CDH12: variants seen among roughly 807,000 people sequenced by gnomAD.
The protein encoded by CDH12 is cadherin 12.
A neutral mutation model predicts 74.1 loss-of-function variants in CDH12; 41 were observed. The observed-to-expected ratio is 0.55, with a 90% CI of 0.43 to 0.72. CDH12 has a LOEUF of 0.72. CDH12 is among the 30% of genes least tolerant of loss of function. The pLI, the probability that CDH12 is intolerant of heterozygous loss-of-function variation, is 0.00. For missense variants in CDH12, 945 were observed against 977.2 expected, an observed-to-expected ratio of 0.97 and a Z score of 0.44; for synonymous variants, 399 against 355.0, an observed-to-expected ratio of 1.12 and a Z score of -1.39.
intron 5 of CDH12, among the ~76,000 whole-genome samples, chr5:22,049,146 G>A (rs1283691133): frequency 2.0e-5 from 3 of 152,058 alleles, no homozygotes; most frequent in African/African-American, 7.2e-5. Context: ...ATGGGTTAAA[G>A]ATCCCTGGCT....
At chr5:22,237,714 A>T (rs990605745) in intron 3 of CDH12, among the ~76,000 whole-genome samples, 2 of 152,214 alleles carry the variant, frequency 1.3e-5, no homozygotes, top group African/African-American at 2.4e-5. Context: ...AGAGAGAAAC[A>T]ACTTATGAAA....
intron 3 of CDH12, among the ~76,000 whole-genome samples, chr5:22,273,169 T>G (rs1182397352): frequency 6.6e-6 from 1 of 152,080 alleles, no homozygotes; most frequent in Non-Finnish European, 1.5e-5. Context: ...CCATAACAGG[T>G]GCACTTCATG....
intron 1 of CDH12, among the ~76,000 whole-genome samples, chr5:22,741,127 T>C (rs567814061): frequency 1.3e-5 from 2 of 152,266 alleles, no homozygotes; most frequent in East Asian, 1.9e-4. Context: ...TTAACCATTG[T>C]TTTGCTTGGA....
intron 3 of CDH12, among the ~76,000 whole-genome samples, chr5:22,272,951 T>C (rs546034458): frequency 6.6e-6 from 1 of 152,252 alleles, no homozygotes; most frequent in Admixed American, 6.5e-5. Flanking sequence ...TCTTCACATG[T>C]TGGCAAGAGA....
chr5:22,371,596 G>A (rs1282493510), intron 3 of CDH12, among the ~76,000 whole-genome samples: 1 of 152,064 alleles, frequency 6.6e-6, no homozygotes, highest in Non-Finnish European at 1.5e-5. Flanking sequence ...TAGTTAACTT[G>A]TCTAAGGCTT....
chr5:22,064,576 A>G lies in CDH12; in HGVS notation c.231+13870T>C, dbSNP rs143684127. Reference sequence around the variant, plus strand: ...TGACGGGGCAACAGAGATATGTAGAATATCACTACTGGATTCTCCTAACCA... The same window carrying G: ...TGACGGGGCAACAGAGATATGTAGAGTATCACTACTGGATTCTCCTAACCA... On this transcript the variant is annotated intron_variant, in intron 5 of 14. Transcript: ENST00000382254. Among the ~76,000 whole-genome samples the G allele has an allele frequency of 3.8e-3, 580 of 152,308 alleles. 11 individuals carry two copies. Among genetic ancestry groups the G allele is most frequent in the African/African-American group, 0.013 (546 of 41,568 alleles).
At chr5:21,970,871 A>AGG (rs1554048833) in intron 6 of CDH12, among the ~76,000 whole-genome samples, 8 of 141,276 alleles carry the variant, frequency 5.7e-5, no homozygotes, top group African/African-American at 2.2e-4. Flanking sequence ...AAAAAAAAAA[A>AGG]AAAGAAAAAA....
At chr5:21,812,384 C>G (rs1182800162) in intron 9 of CDH12, among the ~76,000 whole-genome samples, 2 of 152,024 alleles carry the variant, frequency 1.3e-5, no homozygotes, top group East Asian at 3.9e-4. Flanking sequence ...AAAACCTTAA[C>G]AAATAATTTA....
At chr5:22,430,181 C>T (rs1485567522) in intron 2 of CDH12, among the ~76,000 whole-genome samples, 1 of 152,158 alleles carries the variant, frequency 6.6e-6, no homozygotes, top group African/African-American at 2.4e-5. Flanking sequence ...CTCCCACTGA[C>T]TTAGTGTACT....
intron 10 of CDH12, among the ~76,000 whole-genome samples, chr5:21,792,154 A>G (rs1746534744): frequency 6.6e-6 from 1 of 151,906 alleles, no homozygotes; most frequent in Non-Finnish European, 1.5e-5. Context: ...ATTCAGTTCA[A>G]TTCATTTTAA....
intron 2 of CDH12, among the ~76,000 whole-genome samples, chr5:22,452,888 A>AT (rs1745105443): frequency 6.8e-6 from 1 of 146,404 alleles, no homozygotes; most frequent in Admixed American, 7.2e-5. Flanking sequence ...AGCAAAAAAA[A>AT]AAAAAAAAAA....
chr5:22,045,750 A>T (rs145019791), intron 5 of CDH12, among the ~76,000 whole-genome samples: 2 of 152,280 alleles, frequency 1.3e-5, no homozygotes, highest in African/African-American at 4.8e-5. Flanking sequence ...AGTTTATCTC[A>T]TGGAGGCGAA....
chr5:22,634,472 A>G (rs891151968), intron 1 of CDH12, among the ~76,000 whole-genome samples: 10 of 152,188 alleles, frequency 6.6e-5, no homozygotes, highest in Admixed American at 4.6e-4. Context: ...ATCCTTTAAG[A>G]CAAAAATTGT....
intron 1 of CDH12, among the ~76,000 whole-genome samples, chr5:22,811,757 G>T (rs1749159328): frequency 6.6e-6 from 1 of 152,142 alleles, no homozygotes; most frequent in African/African-American, 2.4e-5. Flanking sequence ...TTCTGAAAGG[G>T]ATAAGAGGAG....
chr5:22,322,533 A>T (rs1186668155), intron 3 of CDH12, among the ~76,000 whole-genome samples: 3 of 149,132 alleles, frequency 2.0e-5, no homozygotes, highest in Non-Finnish European at 3.0e-5. Context: ...ATTTAAATTG[A>T]TGATGATGAT....
chr5:22,058,780 GAGGGAGGAAA>G (rs2150202643), intron 5 of CDH12, among the ~76,000 whole-genome samples: 1 of 143,046 alleles, frequency 7.0e-6, no homozygotes, highest in Non-Finnish European at 1.5e-5. Flanking sequence ...GGGAGGGAGG[GAGGGAGGAAA>G]AGGGAGGAAG....
chr5:22,206,403 A>T (rs950818849), intron 4 of CDH12, among the ~76,000 whole-genome samples: 2 of 152,138 alleles, frequency 1.3e-5, no homozygotes, highest in African/African-American at 4.8e-5. Context: ...ATTTTTTTTT[A>T]AATCCCAATA....
At chr5:21,866,687 G>A (rs1240337606) in intron 6 of CDH12, among the ~76,000 whole-genome samples, 3 of 152,166 alleles carry the variant, frequency 2.0e-5, no homozygotes, top group Non-Finnish European at 4.4e-5. Flanking sequence ...TGGGAAATTT[G>A]CAGCCTGACA....
At chr5:21,915,346 C>CA (rs1317711591) in intron 6 of CDH12, among the ~76,000 whole-genome samples, 1 of 151,728 alleles carries the variant, frequency 6.6e-6, no homozygotes, top group African/African-American at 2.4e-5. Context: ...AGAAAACAAA[C>CA]AAAAAAATTC....
Sources: allele counts gnomAD v4.1 joint callset (sites outside exome capture counted in the v4.1 genomes callset), GRCh38; gene constraint gnomAD v4.1.1; transcripts MANE v1.5; gene names NCBI Gene and HGNC (gene_info 2026-07-23, HGNC 2026-07-21).